The following DIP2B variants were observed in gnomAD, a reference collection of about 807,000 sequenced individuals.
DIP2B encodes DIP2 acetate--CoA ligase B (putative).
In DIP2B, 76 loss-of-function variants were observed where a neutral mutation model predicts 198.0. That is an observed-to-expected ratio of 0.38 (90% confidence interval 0.32 to 0.46). The LOEUF is 0.46. Among genes scored for constraint, DIP2B ranks in the 20% least tolerant of loss-of-function variants. The pLI, the probability that DIP2B is intolerant of heterozygous loss-of-function variation, is 0.99. For missense variants in DIP2B, 1,559 were observed against 1,978.4 expected, an observed-to-expected ratio of 0.79 and a Z score of 4.02; for synonymous variants, 701 against 739.1, an observed-to-expected ratio of 0.95 and a Z score of 0.84.
At chr12:50,509,891 T>C (rs1957999837) in intron 1 of DIP2B, among the ~76,000 whole-genome samples, 1 of 152,174 alleles carries the variant, frequency 6.6e-6, no homozygotes, top group South Asian at 2.1e-4. Context: ...CTAGGAGTAT[T>C]AAGGAAAGCA....
At chr12:50,577,426 C>G (rs1436733847) in intron 1 of DIP2B, among the ~76,000 whole-genome samples, 1 of 151,774 alleles carries the variant, frequency 6.6e-6, no homozygotes, top group African/African-American at 2.4e-5. Flanking sequence ...CCCAGCCACT[C>G]GGGAAGCTGA....
At chr12:50,623,289 C>A (rs1041638682) in intron 1 of DIP2B, among the ~76,000 whole-genome samples, 1 of 151,862 alleles carries the variant, frequency 6.6e-6, no homozygotes, top group East Asian at 1.9e-4. Context: ...GGGAAGATCC[C>A]TTGAGCCCAG....
At chr12:50,528,841 A>G (rs1176522068) in intron 1 of DIP2B, among the ~76,000 whole-genome samples, 2 of 152,172 alleles carry the variant, frequency 1.3e-5, no homozygotes, top group African/African-American at 4.8e-5. Context: ...ACAAGAGAGA[A>G]TGATCAAATA....
At chr12:50,716,067 T>C (rs894572263) in intron 23 of DIP2B, among the ~76,000 whole-genome samples, 6 of 152,246 alleles carry the variant, frequency 3.9e-5, no homozygotes, top group African/African-American at 1.4e-4. Context: ...ATTAGTTTTA[T>C]TGTTTTAAAC....
At chr12:50,704,715 A>T (rs537948751) in intron 20 of DIP2B, among the ~76,000 whole-genome samples, 1 of 152,342 alleles carries the variant, frequency 6.6e-6, no homozygotes, top group East Asian at 1.9e-4. Flanking sequence ...CTGTAATCCC[A>T]GCACTTTGGG....
chr12:50,576,510 G>A (rs1261506488), intron 1 of DIP2B, among the ~76,000 whole-genome samples: 1 of 147,004 alleles, frequency 6.8e-6, no homozygotes, highest in African/African-American at 2.5e-5. Flanking sequence ...ACCAAGTCTC[G>A]CTCTGTCGCC....
intron 1 of DIP2B, among the ~76,000 whole-genome samples, chr12:50,510,493 T>C (rs566805916): frequency 6.6e-6 from 1 of 152,340 alleles, no homozygotes; most frequent in Non-Finnish European, 1.5e-5. Context: ...TATGACTGGC[T>C]AAAAAGGGCC....
chr12:50,539,777 C>T (rs1044744062), intron 1 of DIP2B, among the ~76,000 whole-genome samples: 2 of 152,070 alleles, frequency 1.3e-5, no homozygotes, highest in African/African-American at 4.8e-5. Flanking sequence ...TAACTGTCAT[C>T]CTGAATTTTG....
chr12:50,726,084 T>A (rs1221263772), intron 28 of DIP2B, among the ~76,000 whole-genome samples: 2 of 152,148 alleles, frequency 1.3e-5, no homozygotes, highest in Non-Finnish European at 2.9e-5. Flanking sequence ...ACTTGAGTGG[T>A]CATAGGAGTG....
At chr12:50,509,688 G>GAA (rs55772810) in intron 1 of DIP2B, among the ~76,000 whole-genome samples, 132,369 of 151,956 alleles carry the variant, frequency 0.87, 58,852 homozygotes, top group Non-Finnish European at 0.98. Flanking sequence ...AGAGGAAAAA[G>GAA]GAGATGTTGG....
chr12:50,690,031 T>C (rs1361744168), intron 12 of DIP2B, among the ~76,000 whole-genome samples: 1 of 152,056 alleles, frequency 6.6e-6, no homozygotes, highest in African/African-American at 2.4e-5. Flanking sequence ...CAGGTACAGA[T>C]CAAACTCCTA....
intron 1 of DIP2B, among the ~76,000 whole-genome samples, chr12:50,588,170 T>C (rs764740316): frequency 2.0e-5 from 3 of 152,092 alleles, no homozygotes; most frequent in Non-Finnish European, 2.9e-5. Context: ...TTTTTCTTTT[T>C]GGAGACAGTC....
At position 50,732,262 on chromosome 12, in the gene DIP2B, C is replaced by G. The variant is rs1297340680; in HGVS notation, c.3811-104C>G. 1.8e-5 allele frequency: 23 copies of G among 1,308,068 alleles called. No homozygotes were observed. In the East Asian group the frequency reaches 5.4e-4, roughly 31 times the overall value. 81.0% of individuals were successfully genotyped at this position (1,308,068 alleles called of 1,614,324 possible). ...TCTGTGTGCCTGAGGTGAGAATACACAATTGCTTGGCTTTTCCTGACCAAG... is the reference window on the plus strand; with the variant it reads ...TCTGTGTGCCTGAGGTGAGAATACAGAATTGCTTGGCTTTTCCTGACCAAG... On this transcript the variant is annotated intron_variant, in intron 31 of 37. Transcript: ENST00000301180.
intron 1 of DIP2B, among the ~76,000 whole-genome samples, chr12:50,510,682 G>A (rs1295696150): frequency 7.1e-6 from 1 of 140,392 alleles, no homozygotes; most frequent in Non-Finnish European, 1.5e-5. Flanking sequence ...TTTCACTCTT[G>A]TTGCCCAGGC....
rs1939173200 is a variant in DIP2B at position 50,688,744 on chromosome 12, TC to T, written c.1551+2063del. On this transcript the variant is annotated intron_variant, in intron 12 of 37. Coordinates refer to ENST00000301180, the MANE Select transcript of DIP2B (RefSeq NM_173602.3). Reference sequence around the variant, plus strand: ...CATGTCTCAGTGATGACATGGTTCATCACTCGGTCCTCCTTAAAACTCCAGT... The same window carrying T: ...CATGTCTCAGTGATGACATGGTTCATACTCGGTCCTCCTTAAAACTCCAGT... 2.0e-5 allele frequency among the ~76,000 whole-genome samples: 3 copies of T among 152,352 alleles called. No individual in the cohort carries two copies. In the South Asian group the frequency reaches 6.2e-4, roughly 32 times the overall value.
intron 22 of DIP2B, 37 bp from the exon 23 acceptor site, chr12:50,714,358 G>A (rs773738302): frequency 1.2e-6 from 2 of 1,610,744 alleles, no homozygotes; most frequent in Non-Finnish European, 1.7e-6. Context: ...TGTAATAGAA[G>A]TGATCTCACT....
intron 21 of DIP2B, among the ~76,000 whole-genome samples, chr12:50,708,073 C>G (rs533281248): frequency 6.6e-6 from 1 of 151,848 alleles, no homozygotes; most frequent in Non-Finnish European, 1.5e-5. Context: ...GTCCGCTCCT[C>G]AGGGAGGCGC....
At chr12:50,550,256 G>A (rs1173915874) in intron 1 of DIP2B, among the ~76,000 whole-genome samples, 2 of 152,118 alleles carry the variant, frequency 1.3e-5, no homozygotes, top group East Asian at 1.9e-4. Flanking sequence ...CAGTGTACTC[G>A]TGGGGCCAGC....
intron 1 of DIP2B, 113 bp from the exon 2 acceptor site, chr12:50,625,863 C>T: frequency 1.8e-6 from 2 of 1,114,414 alleles, no homozygotes; most frequent in Non-Finnish European, 2.6e-6. Context: ...CCCCCCCAAC[C>T]CCCTGCCTCT....
Sources: allele counts gnomAD v4.1 joint callset (sites outside exome capture counted in the v4.1 genomes callset), GRCh38; gene constraint gnomAD v4.1.1; transcripts MANE v1.5; gene names NCBI Gene and HGNC (gene_info 2026-07-23, HGNC 2026-07-21).